TMEM217B: variants seen among roughly 807,000 people sequenced by gnomAD.
TMEM217B encodes the protein transmembrane protein 217B.
chr6:37,231,403 G>A, the TMEM217B span, among the ~76,000 whole-genome samples: 8 of 150,492 alleles, frequency 5.3e-5, no homozygotes, highest in East Asian at 2.0e-4. Flanking sequence ...GGCTGGGCGC[G>A]GTGGCTCATA....
the TMEM217B span, among the ~76,000 whole-genome samples, chr6:37,251,052 G>C: frequency 7.5e-6 from 1 of 134,042 alleles, no homozygotes; most frequent in Non-Finnish European, 1.7e-5. Flanking sequence ...CAGCCAGCAG[G>C]TGTTATCTAT....
At chr6:37,226,007 T>A in the TMEM217B span, among the ~76,000 whole-genome samples, 1 of 152,206 alleles carries the variant, frequency 6.6e-6, no homozygotes, top group Non-Finnish European at 1.5e-5. Context: ...CTTTTGGGGT[T>A]TCTTTGTTAC....
At chr6:37,241,609 G>C in the TMEM217B span, among the ~76,000 whole-genome samples, 2 of 152,150 alleles carry the variant, frequency 1.3e-5, no homozygotes, top group Non-Finnish European at 1.5e-5. Flanking sequence ...TCTGTTCCAG[G>C]TTCTACATCT....
chr6:37,243,119 C>T, the TMEM217B span, among the ~76,000 whole-genome samples: 1 of 151,954 alleles, frequency 6.6e-6, no homozygotes, highest in Non-Finnish European at 1.5e-5. Flanking sequence ...AAAAAGAGCC[C>T]CCTTAAAAAA....
chr6:37,257,790 C>G, the TMEM217B span: 1 of 1,025,582 alleles, frequency 9.8e-7, no homozygotes, highest in East Asian at 2.6e-5. Flanking sequence ...GATGGCGTCC[C>G]CAGGAGCTGG....
the TMEM217B span, among the ~76,000 whole-genome samples, chr6:37,243,780 A>G: frequency 6.6e-6 from 1 of 152,030 alleles, no homozygotes; most frequent in Non-Finnish European, 1.5e-5. Context: ...TTTCGAGGAT[A>G]GTTTGGTGAG....
the TMEM217B span, among the ~76,000 whole-genome samples, chr6:37,220,119 T>C: frequency 6.6e-6 from 1 of 152,142 alleles, no homozygotes; most frequent in Non-Finnish European, 1.5e-5. Context: ...AGCGCGTAAG[T>C]CAATGAAACA....
At chr6:37,218,222 T>G in the TMEM217B span, 2 of 1,339,756 alleles carry the variant, frequency 1.5e-6, no homozygotes, top group African/African-American at 1.5e-5. Context: ...CAGGCTGAAG[T>G]GCACTGGCGC....
At chr6:37,212,512 G>T in the TMEM217B span, 1 of 457,376 alleles carries the variant, frequency 2.2e-6, no homozygotes, top group Non-Finnish European at 4.4e-6. Context: ...CCTGCCCACA[G>T]TCTGGGATTC....
the TMEM217B span, among the ~76,000 whole-genome samples, chr6:37,244,671 T>C: frequency 6.6e-6 from 1 of 152,242 alleles, no homozygotes; most frequent in Non-Finnish European, 1.5e-5. Flanking sequence ...GGCCGTATAT[T>C]GTCACAATAA....
chr6:37,244,632 G>A, the TMEM217B span, among the ~76,000 whole-genome samples: 1 of 152,184 alleles, frequency 6.6e-6, no homozygotes, highest in Non-Finnish European at 1.5e-5. Flanking sequence ...ATAGACTTGT[G>A]GAGAAATCTG....
At chr6:37,241,220 T>C in the TMEM217B span, among the ~76,000 whole-genome samples, 3 of 151,606 alleles carry the variant, frequency 2.0e-5, no homozygotes, top group African/African-American at 7.3e-5. Flanking sequence ...TAGTTAGAAC[T>C]ACAGCTGCGT....
chr6:37,236,025 T>A, the TMEM217B span, among the ~76,000 whole-genome samples: 10 of 152,282 alleles, frequency 6.6e-5, no homozygotes, highest in East Asian at 1.7e-3. Context: ...TAAAGCTAGA[T>A]AAATAAAAAA....
At chr6:37,245,876 C>T in the TMEM217B span, among the ~76,000 whole-genome samples, 8 of 151,814 alleles carry the variant, frequency 5.3e-5, no homozygotes, top group Non-Finnish European at 1.0e-4. Flanking sequence ...TTTGGCTCAC[C>T]GCAACCTCTG....
chr6:37,215,098 C>A, the TMEM217B span: 3 of 1,503,426 alleles, frequency 2.0e-6, no homozygotes, highest in South Asian at 3.8e-5. Context: ...TTGGTCTCCA[C>A]CCTCGGCACC....
chr6:37,213,708 C>A, the TMEM217B span, among the ~76,000 whole-genome samples: 1 of 152,228 alleles, frequency 6.6e-6, no homozygotes, highest in African/African-American at 2.4e-5. Flanking sequence ...GAACCTGGTG[C>A]CCGAGCCGAC....
the TMEM217B span, chr6:37,218,207 T>C: frequency 7.7e-7 from 1 of 1,301,636 alleles, no homozygotes; most frequent in Non-Finnish European, 9.7e-7. Context: ...TCTTACTCTG[T>C]CACTCAGGCT....
chr6:37,234,762 G>A, the TMEM217B span, among the ~76,000 whole-genome samples: 2 of 151,698 alleles, frequency 1.3e-5, no homozygotes, highest in South Asian at 2.1e-4. Flanking sequence ...AATAAATATC[G>A]GTATACACAT....
At chr6:37,242,010 T>A in the TMEM217B span, among the ~76,000 whole-genome samples, 1 of 128,026 alleles carries the variant, frequency 7.8e-6, no homozygotes, top group Non-Finnish European at 1.5e-5. Flanking sequence ...CGATCTCAAT[T>A]TTTTTTTTTT....
Sources: allele counts gnomAD v4.1 joint callset (sites outside exome capture counted in the v4.1 genomes callset), GRCh38; gene constraint gnomAD v4.1.1; transcripts MANE v1.5; gene names NCBI Gene and HGNC (gene_info 2026-07-23, HGNC 2026-07-21).